Variants in LRRC7 observed in about 807,000 individuals in gnomAD.
LRRC7 encodes the protein leucine rich repeat containing 7, also known as leucine-rich repeat-containing protein 7.
Under a neutral mutation model 175.7 loss-of-function variants are expected in LRRC7, and 23 were observed. The observed-to-expected ratio is 0.13, with a 90% CI of 0.09 to 0.19. The LOEUF is 0.19. Ranked by LOEUF, LRRC7 falls within the 10% of genes least tolerant of loss-of-function variation. The pLI is 1.00. For synonymous variants in LRRC7, 685 were observed against 680.9 expected, an observed-to-expected ratio of 1.01 and a Z score of -0.09; for missense variants, 1,354 against 1,904.7, an observed-to-expected ratio of 0.71 and a Z score of 5.38.
intron 25 of LRRC7, among the ~76,000 whole-genome samples, chr1:70,104,650 G>A (rs1270923645): frequency 2.0e-5 from 3 of 152,058 alleles, no homozygotes; most frequent in Admixed American, 6.5e-5. Flanking sequence ...TCAGAAAAAA[G>A]CAATACATGC....
chr1:70,061,616 C>A (rs1446073491), intron 23 of LRRC7, among the ~76,000 whole-genome samples: 2 of 151,958 alleles, frequency 1.3e-5, no homozygotes, highest in Admixed American at 6.6e-5. Context: ...AATCTGTAGC[C>A]CCTGGAGAGA....
intron 14 of LRRC7, among the ~76,000 whole-genome samples, chr1:70,017,474 A>C (rs1345456909): frequency 6.6e-6 from 1 of 152,132 alleles, no homozygotes; most frequent in Non-Finnish European, 1.5e-5. Flanking sequence ...ATGATAGACA[A>C]TTTTTATATA....
chr1:70,067,098 C>T (rs763936957), intron 23 of LRRC7, among the ~76,000 whole-genome samples: 2 of 151,980 alleles, frequency 1.3e-5, no homozygotes, highest in Non-Finnish European at 2.9e-5. Context: ...AATGTCTCTT[C>T]GCATCTTTTG....
chr1:69,915,104 T>C (rs1646646788), intron 7 of LRRC7, among the ~76,000 whole-genome samples: 1 of 152,156 alleles, frequency 6.6e-6, no homozygotes, highest in Non-Finnish European at 1.5e-5. Flanking sequence ...CCAATTCTCC[T>C]CTAGTAAAAA....
Position 70,133,460 on chromosome 1 carries a change from A to G in LRRC7, c.*11573A>G, listed in dbSNP as rs1666756428. Among the ~76,000 whole-genome samples, 1 of 152,062 alleles carries G rather than the reference A, an allele frequency of 6.6e-6. No homozygotes were observed. The highest frequency in any genetic ancestry group is 2.4e-5 in the African/African-American group (1 of 41,386). On this transcript the variant is annotated 3_prime_UTR_variant, in exon 27 of 27. Transcript: ENST00000651989. ...GGTCTTGAACACCTGGGCTCTATCGATCCGACCGCCTCGGCCTCCCAAAGT... is the reference window on the plus strand; with the variant it reads ...GGTCTTGAACACCTGGGCTCTATCGGTCCGACCGCCTCGGCCTCCCAAAGT...
At chr1:69,601,734 G>T (rs973827297) in intron 1 of LRRC7, among the ~76,000 whole-genome samples, 37 of 152,038 alleles carry the variant, frequency 2.4e-4, no homozygotes, top group South Asian at 1.5e-3. Context: ...AAAAATATTG[G>T]GTTAGGCTAC....
intron 3 of LRRC7, among the ~76,000 whole-genome samples, chr1:69,762,375 C>A (rs561537065): frequency 6.6e-6 from 1 of 151,982 alleles, no homozygotes; most frequent in Admixed American, 6.6e-5. Context: ...AAAACTGAAG[C>A]ATTAGAGGCA....
intron 11 of LRRC7, among the ~76,000 whole-genome samples, chr1:70,008,247 G>A (rs567557736): frequency 5.7e-4 from 87 of 152,228 alleles, no homozygotes; most frequent in African/African-American, 2.0e-3. Context: ...TACATTCACT[G>A]GAAGCTGATT....
At chr1:69,836,179 A>G (rs1398786646) in intron 6 of LRRC7, among the ~76,000 whole-genome samples, 1 of 152,180 alleles carries the variant, frequency 6.6e-6, no homozygotes, top group Non-Finnish European at 1.5e-5. Context: ...TTAACATGTG[A>G]CAGCCTCCAT....
At chr1:69,791,353 C>T (rs1675088171) in intron 3 of LRRC7, among the ~76,000 whole-genome samples, 1 of 151,996 alleles carries the variant, frequency 6.6e-6, no homozygotes, top group Non-Finnish European at 1.5e-5. Context: ...CTCAATAATT[C>T]ACACTTTAAA....
intron 2 of LRRC7, among the ~76,000 whole-genome samples, chr1:69,686,476 C>A (rs1340762): frequency 0.25 from 38,054 of 151,856 alleles, 4,925 homozygotes; most frequent in East Asian, 0.34. Context: ...GGTAAAGGGA[C>A]CTAAATTGAT....
At chr1:69,834,644 TTTCA>T in intron 5 of LRRC7, 132 bp from the exon 6 acceptor site, 1 of 741,624 alleles carries the variant, frequency 1.3e-6, no homozygotes, top group South Asian at 1.7e-5. Flanking sequence ...CAATAAATTC[TTTCA>T]TTACTGTAAT....
rs111204940 is a variant in LRRC7 at position 69,717,975 on chromosome 1, G to A, written c.100+39497G>A. Among the ~76,000 whole-genome samples, 104 of 44,586 alleles carry A rather than the reference G, an allele frequency of 2.3e-3. 3 individuals are homozygous for A. Among genetic ancestry groups the A allele is most frequent in the African/African-American group, 8.6e-3 (91 of 10,622 alleles). The allele number at this position is 44,586 out of a possible 152,430, so 29.3% of individuals were successfully genotyped here. A position where few individuals can be genotyped will look rare whatever the true frequency, so the allele number is the denominator to read the frequency against. ...AAGAAAGAAGAAAAAGAAAGAAAGAGAAAGAAAGAGGAGGGAGAGAAAGAA... is the reference window on the plus strand; with the variant it reads ...AAGAAAGAAGAAAAAGAAAGAAAGAAAAAGAAAGAGGAGGGAGAGAAAGAA... On this transcript the variant is annotated intron_variant, in intron 2 of 26. Coordinates refer to ENST00000651989, the MANE Select transcript of LRRC7 (RefSeq NM_001370785.2).
At chr1:70,078,800 G>A (rs1013700440) in intron 24 of LRRC7, among the ~76,000 whole-genome samples, 330 of 102,538 alleles carry the variant, frequency 3.2e-3, no homozygotes, top group African/African-American at 0.019. Context: ...ATACGCGCGC[G>A]CGCGCGCGCG....
At chr1:69,919,767 C>A in intron 7 of LRRC7, 1 of 939,426 alleles carries the variant, frequency 1.1e-6, no homozygotes, top group Non-Finnish European at 1.7e-6. Context: ...CCCTGGTTTG[C>A]GCGGCGGACG....
intron 21 of LRRC7, among the ~76,000 whole-genome samples, chr1:70,041,600 G>T (rs942283919): frequency 6.6e-6 from 1 of 152,194 alleles, no homozygotes; most frequent in Non-Finnish European, 1.5e-5. Context: ...CTCTGGCCTC[G>T]TGTAGACACG....
At chr1:69,782,967 A>G (rs1277468646) in intron 3 of LRRC7, among the ~76,000 whole-genome samples, 1 of 152,214 alleles carries the variant, frequency 6.6e-6, no homozygotes, top group Non-Finnish European at 1.5e-5. Flanking sequence ...AAAATTGTGA[A>G]AAATGACCAT....
chr1:69,576,723 T>C (rs1196236648), intron 1 of LRRC7, among the ~76,000 whole-genome samples: 1 of 152,218 alleles, frequency 6.6e-6, no homozygotes, highest in Non-Finnish European at 1.5e-5. Context: ...TTTTCATTTG[T>C]AAAATGGTTC....
At chr1:69,620,570 A>G (rs376803716) in intron 1 of LRRC7, among the ~76,000 whole-genome samples, 21 of 152,306 alleles carry the variant, frequency 1.4e-4, no homozygotes, top group African/African-American at 4.8e-4. Flanking sequence ...TCGTGCTGCA[A>G]GGGAGCTGGA....
Sources: allele counts gnomAD v4.1 joint callset (sites outside exome capture counted in the v4.1 genomes callset), GRCh38; gene constraint gnomAD v4.1.1; transcripts MANE v1.5; gene names NCBI Gene and HGNC (gene_info 2026-07-23, HGNC 2026-07-21).